COX6C: variants seen among roughly 807,000 people sequenced by gnomAD.
COX6C encodes cytochrome c oxidase polypeptide VIc.
In COX6C, 3 loss-of-function variants were observed where a neutral mutation model predicts 6.9. The observed-to-expected ratio is 0.43, with a 90% confidence interval of 0.20 to 1.12. The LOEUF (loss-of-function observed/expected upper bound fraction) is 1.12. Among genes scored for constraint, COX6C ranks in the 50% most tolerant of loss-of-function variants. The pLI, the probability that COX6C is intolerant of heterozygous loss-of-function variation, is 0.27. For missense variants in COX6C, 101 were observed against 97.3 expected, an observed-to-expected ratio of 1.04 and a Z score of -0.16; for synonymous variants, 32 against 32.0, an observed-to-expected ratio of 1.00 and a Z score of 0.00.
intron 3 of COX6C, among the ~76,000 whole-genome samples, chr8:99,884,237 T>G (rs567330106): frequency 1.3e-5 from 2 of 152,234 alleles, no homozygotes; most frequent in Admixed American, 1.3e-4. Flanking sequence ...CAGCAAACCC[T>G]AAAGATTTCT....
intron 2 of COX6C, among the ~76,000 whole-genome samples, chr8:99,889,976 C>A (rs1818009400): frequency 6.6e-6 from 1 of 151,844 alleles, no homozygotes; most frequent in South Asian, 2.1e-4. Flanking sequence ...CGCCTGTAGT[C>A]CCAGCTACTC....
intron 3 of COX6C, chr8:99,886,912 G>C (rs1817950405): frequency 6.6e-6 from 1 of 152,168 alleles, no homozygotes; most frequent in Non-Finnish European, 1.5e-5. Flanking sequence ...CTGGAGACTG[G>C]TTGCACAACA....
chr8:99,892,527 T>C (rs1267104045), intron 1 of COX6C, among the ~76,000 whole-genome samples: 1 of 152,088 alleles, frequency 6.6e-6, no homozygotes, highest in Non-Finnish European at 1.5e-5. Flanking sequence ...TTTCCCTTTC[T>C]CGGGTAAAAT....
At chr8:99,882,113 G>C (rs1416951474) in intron 3 of COX6C, among the ~76,000 whole-genome samples, 1 of 152,074 alleles carries the variant, frequency 6.6e-6, no homozygotes, top group East Asian at 1.9e-4. Flanking sequence ...GAATTGAAGG[G>C]AGAAGCAGAC....
intron 3 of COX6C, chr8:99,887,254 G>A (rs762008647): frequency 3.2e-6 from 1 of 313,164 alleles, no homozygotes; most frequent in Non-Finnish European, 5.9e-6. Flanking sequence ...TTATGTTTCT[G>A]ACTGGGGGAT....
chr8:99,888,770 G>A (rs1033298507), intron 2 of COX6C, among the ~76,000 whole-genome samples: 6 of 152,188 alleles, frequency 3.9e-5, no homozygotes, highest in East Asian at 1.9e-4. Flanking sequence ...CAGATCCCAC[G>A]ACCCTGAGGG....
At chr8:99,891,440 C>T (rs1217569769) in intron 2 of COX6C, among the ~76,000 whole-genome samples, 1 of 151,440 alleles carries the variant, frequency 6.6e-6, no homozygotes, top group African/African-American at 2.4e-5. Context: ...TACCTGCAGT[C>T]CCAGGTACCG....
At chr8:99,882,693 A>T (rs1817882053) in intron 3 of COX6C, among the ~76,000 whole-genome samples, 4 of 152,250 alleles carry the variant, frequency 2.6e-5, no homozygotes, top group Admixed American at 2.6e-4. Context: ...CAGAGGGAAC[A>T]TTACAACTGA....
At position 99,878,057 on chromosome 8, in the gene COX6C, A is replaced by C. The variant is rs572670189; in HGVS notation, c.*224T>G. The C allele has an allele frequency of 6.6e-6, 1 of 152,368 alleles. No individual in the cohort carries two copies. Among genetic ancestry groups the C allele is most frequent in the South Asian group, 2.1e-4 (1 of 4,830 alleles). 9.4% of individuals were successfully genotyped at this position (152,368 alleles called of 1,614,324 possible). On this transcript the variant is annotated 3_prime_UTR_variant, in exon 4 of 4. Transcript: ENST00000520468. ...TTTAACAAAACACGGAAATCAAGTT[A>C]GCTTCATAAACAGTTAAATCCCAAA...
At chr8:99,886,462 G>A (rs1563527981) in intron 3 of COX6C, 1 of 152,042 alleles carries the variant, frequency 6.6e-6, no homozygotes, top group African/African-American at 2.4e-5. Flanking sequence ...AAAGGGTATG[G>A]CAGTTTCTTA....
In COX6C at chr8:99,877,935, C is replaced by A. The variant is rs529969705; in HGVS notation, c.*346G>T. On this transcript the variant is annotated 3_prime_UTR_variant, in exon 4 of 4. Transcript: ENST00000520468. ...GCCCACAGTACAGTAGTCTTACAGG[C>A]TCATGAAGAACACTTTTTAATCCAT... 1 of 152,138 alleles carries A rather than the reference C, an allele frequency of 6.6e-6. No individual in the cohort carries two copies. The highest frequency in any genetic ancestry group is 1.5e-5 in the Non-Finnish European group (1 of 68,028). The allele number at this position is 152,138 out of a possible 1,614,324, so 9.4% of individuals were successfully genotyped here. A position where few individuals can be genotyped will look rare whatever the true frequency, so the allele number is the denominator to read the frequency against.
intron 3 of COX6C, chr8:99,885,884 T>C (rs1387242637): frequency 6.6e-6 from 1 of 152,198 alleles, no homozygotes; most frequent in East Asian, 1.9e-4. Flanking sequence ...GATAAGGGGT[T>C]AATATCCAGA....
intron 3 of COX6C, among the ~76,000 whole-genome samples, chr8:99,886,559 A>G (rs1423176711): frequency 2.6e-5 from 4 of 152,234 alleles, no homozygotes; most frequent in Non-Finnish European, 5.9e-5. Context: ...GAATATTTGC[A>G]TGCCTAGGTT....
intron 3 of COX6C, among the ~76,000 whole-genome samples, chr8:99,880,843 A>C (rs539860176): frequency 1.3e-5 from 2 of 152,318 alleles, no homozygotes; most frequent in East Asian, 3.9e-4. Flanking sequence ...AAAAACAAAC[A>C]AAACACCTGT....
intron 2 of COX6C, among the ~76,000 whole-genome samples, chr8:99,891,599 G>A (rs997078149): frequency 6.6e-6 from 1 of 152,194 alleles, no homozygotes; most frequent in Non-Finnish European, 1.5e-5. Flanking sequence ...AGAGGACCCT[G>A]TGAAGACAAA....
At chr8:99,889,861 C>A (rs902270634) in intron 2 of COX6C, among the ~76,000 whole-genome samples, 11 of 151,398 alleles carry the variant, frequency 7.3e-5, no homozygotes, top group African/African-American at 2.2e-4. Flanking sequence ...GAGGCCGAGG[C>A]GGGCGGATCA....
chr8:99,878,424 A>G (rs1817786409), intron 3 of COX6C, 159 bp from the exon 4 acceptor site: 1 of 152,226 alleles, frequency 6.6e-6, no homozygotes, highest in Admixed American at 6.5e-5. Context: ...CCTGGACTCC[A>G]AGTTTCACTC....
chr8:99,887,645 T>C, intron 2 of COX6C, 27 bp from the exon 3 acceptor site: 1 of 1,460,712 alleles, frequency 6.8e-7, no homozygotes, highest in Non-Finnish European at 9.4e-7. Flanking sequence ...CATTAGAGTT[T>C]ATTTTTCAGA....
intron 1 of COX6C, 45 bp from the exon 2 acceptor site, chr8:99,892,097 G>A: frequency 8.3e-7 from 1 of 1,206,492 alleles, no homozygotes; most frequent in Non-Finnish European, 1.2e-6. Context: ...GTTTATTTAA[G>A]CCACAAACTT....
Sources: gnomAD v4.1 joint callset for allele counts (sites outside exome capture counted in the v4.1 genomes callset) on GRCh38, gnomAD v4.1.1 for gene constraint, MANE v1.5 for transcripts, NCBI Gene and HGNC (gene_info 2026-07-23, HGNC 2026-07-21) for gene names.